The following ERI3 variants were observed in gnomAD, a reference collection of about 807,000 sequenced individuals.
The protein encoded by ERI3 is ERI1 exoribonuclease family member 3, also known as ERI1 exoribonuclease 3.
In ERI3, 18 loss-of-function variants were observed where a neutral mutation model predicts 44.4. The ratio of observed to expected loss-of-function variants is 0.41; its 90% confidence interval spans 0.28 to 0.60. ERI3 has a LOEUF of 0.60. ERI3 is among the 20% of genes least tolerant of loss of function. The pLI is 0.36. For missense variants in ERI3, 294 were observed against 435.5 expected, an observed-to-expected ratio of 0.68 and a Z score of 2.89; for synonymous variants, 183 against 164.8, an observed-to-expected ratio of 1.11 and a Z score of -0.84.
intron 6 of ERI3, among the ~76,000 whole-genome samples, chr1:44,305,431 G>A (rs568684766): frequency 6.6e-6 from 1 of 152,276 alleles, no homozygotes; most frequent in East Asian, 1.9e-4. Context: ...AGAAAAAGTG[G>A]GTCAGGTAGG....
At chr1:44,285,697 AGTAAGAT>A (rs1394683572) in intron 6 of ERI3, among the ~76,000 whole-genome samples, 3 of 152,250 alleles carry the variant, frequency 2.0e-5, no homozygotes, top group Non-Finnish European at 4.4e-5. Context: ...CGAGTCAAAA[AGTAAGAT>A]GTAACTCTTG....
At chr1:44,354,577 G>C (rs1572366777) in intron 1 of ERI3, 2 of 985,348 alleles carry the variant, frequency 2.0e-6, no homozygotes, top group Non-Finnish European at 2.4e-6. Flanking sequence ...CTGGTGTGTG[G>C]GCATGTGTTG....
At position 44,341,657 on chromosome 1, in the gene ERI3, C is replaced by T. The variant is rs941272897; in HGVS notation, c.212-2335G>A. On this transcript the variant is annotated intron_variant, in intron 2 of 8. Transcript: ENST00000372257. ...ATCCCAGCACTGTGGGAGGCTGAGGCAGAAGTATTGCTTGAGCCCAGGAGT... is the reference window on the plus strand; with the variant it reads ...ATCCCAGCACTGTGGGAGGCTGAGGTAGAAGTATTGCTTGAGCCCAGGAGT... Among the ~76,000 whole-genome samples, 4 of 152,130 alleles carry T rather than the reference C, an allele frequency of 2.6e-5. No homozygotes were observed. In the East Asian group the frequency reaches 7.7e-4, roughly 29 times the overall value.
chr1:44,260,346 A>C (rs955181008), intron 7 of ERI3, among the ~76,000 whole-genome samples: 3 of 152,182 alleles, frequency 2.0e-5, no homozygotes, highest in Non-Finnish European at 4.4e-5. Flanking sequence ...CACAGGCAGC[A>C]ATTGGTTGGC....
At chr1:44,275,600 G>C (rs1645165898) in intron 7 of ERI3, among the ~76,000 whole-genome samples, 1 of 152,180 alleles carries the variant, frequency 6.6e-6, no homozygotes, top group South Asian at 2.1e-4. Flanking sequence ...TTCTTGGAGG[G>C]ACCCAAGATT....
chr1:44,262,079 C>G (rs941854677), intron 7 of ERI3, among the ~76,000 whole-genome samples: 2 of 152,166 alleles, frequency 1.3e-5, no homozygotes, highest in African/African-American at 2.4e-5. Context: ...CCACCGCAGC[C>G]CAGCCAGATG....
chr1:44,252,850 G>A lies in ERI3; in HGVS notation c.832-4812C>T, dbSNP rs1365602275. 6.6e-6 allele frequency among the ~76,000 whole-genome samples: 1 copy of A among 152,206 alleles called. No individual in the cohort carries two copies. Among genetic ancestry groups the A allele is most frequent in the South Asian group, 2.1e-4 (1 of 4,828 alleles). On this transcript the variant is annotated intron_variant, in intron 7 of 8. Coordinates refer to ENST00000372257, the MANE Select transcript of ERI3 (RefSeq NM_024066.3). The surrounding 1 kb of genome is among the most constrained non-coding windows in gnomAD (Gnocchi z 4.7). The stretch of plus-strand genomic sequence containing the variant: ...GCTAAATGGCTAGAACCCAGCTCAG[G>A]CTGCAGACAGAATAGGCTGCTCTGC...
intron 3 of ERI3, among the ~76,000 whole-genome samples, chr1:44,325,078 T>TGC (rs1401706094): frequency 1.3e-5 from 1 of 79,262 alleles, no homozygotes; most frequent in East Asian, 3.4e-4. Context: ...AACACAGCTT[T>TGC]TTTTTTTTTT....
intron 8 of ERI3, among the ~76,000 whole-genome samples, chr1:44,247,554 T>C (rs1264417985): frequency 1.3e-5 from 2 of 152,182 alleles, no homozygotes; most frequent in Non-Finnish European, 2.9e-5. Flanking sequence ...TCCAGTTTAG[T>C]GGCCACAGAC....
chr1:44,263,852 C>CA (rs890249039), intron 7 of ERI3, among the ~76,000 whole-genome samples: 1 of 152,230 alleles, frequency 6.6e-6, no homozygotes, highest in African/African-American at 2.4e-5. Context: ...AGCCACCACC[C>CA]AGGCATTCAA....
chr1:44,334,612 C>A (rs1271448087), intron 3 of ERI3, among the ~76,000 whole-genome samples: 2 of 152,132 alleles, frequency 1.3e-5, no homozygotes, highest in African/African-American at 4.8e-5. Flanking sequence ...CCTATTCAAC[C>A]AATACCTATC....
chr1:44,315,931 T>C (rs1220222817), intron 4 of ERI3, among the ~76,000 whole-genome samples: 1 of 151,702 alleles, frequency 6.6e-6, no homozygotes, highest in South Asian at 2.1e-4. Context: ...GCAGGAGGAC[T>C]GCTTGAGCCC....
chr1:44,247,508 G>A (rs1434750674), intron 8 of ERI3, among the ~76,000 whole-genome samples: 2 of 152,176 alleles, frequency 1.3e-5, no homozygotes, highest in African/African-American at 2.4e-5. Flanking sequence ...AGCTGGTGAG[G>A]TTTAAATAAT....
intron 7 of ERI3, among the ~76,000 whole-genome samples, chr1:44,275,237 TTC>T (rs1297800298): frequency 6.6e-6 from 1 of 152,128 alleles, no homozygotes; most frequent in Admixed American, 6.5e-5. Context: ...GCAGCCACCC[TTC>T]TATAGAGTCC....
intron 2 of ERI3, among the ~76,000 whole-genome samples, chr1:44,342,830 T>TATATATATATATAA (rs1646692117): frequency 3.6e-5 from 1 of 27,878 alleles, no homozygotes; most frequent in African/African-American, 1.8e-4. Flanking sequence ...TATATATATA[T>TATATATATATATAA]ATATATATAT....
chr1:44,353,645 C>T, intron 1 of ERI3: 1 of 985,392 alleles, frequency 1.0e-6, no homozygotes, highest in South Asian at 4.7e-5. Context: ...AAAGAAAACA[C>T]TTTTTAAAAT....
intron 3 of ERI3, chr1:44,323,183 C>T (rs1646240292): frequency 8.5e-6 from 2 of 235,982 alleles, no homozygotes; most frequent in Non-Finnish European, 1.6e-5. Context: ...CCTTTGTATG[C>T]CATTTGCATT....
At chr1:44,276,429 G>A (rs1015496012) in intron 7 of ERI3, among the ~76,000 whole-genome samples, 1 of 152,204 alleles carries the variant, frequency 6.6e-6, no homozygotes. Flanking sequence ...TATTTTATGT[G>A]TGCATGCATA....
intron 2 of ERI3, among the ~76,000 whole-genome samples, chr1:44,351,399 TG>T (rs1456624691): frequency 6.6e-6 from 1 of 152,228 alleles, no homozygotes; most frequent in Non-Finnish European, 1.5e-5. Flanking sequence ...GGCTTCTTAC[TG>T]TTCTTAAATC....
Sources: allele counts gnomAD v4.1 joint callset (sites outside exome capture counted in the v4.1 genomes callset), GRCh38; gene constraint gnomAD v4.1.1; non-coding constraint Gnocchi (gnomAD v3.1); transcripts MANE v1.5; gene names NCBI Gene and HGNC (gene_info 2026-07-23, HGNC 2026-07-21).